ATP10B: variants seen among roughly 807,000 people sequenced by gnomAD.
The protein encoded by ATP10B is phospholipid-transporting ATPase VB.
ATP10B carries 122 observed loss-of-function variants against 141.2 expected under a neutral mutation model. The ratio of observed to expected loss-of-function variants is 0.86; its 90% CI spans 0.75 to 1.00. The LOEUF (loss-of-function observed/expected upper bound fraction) is 1.00, where lower values mean the gene tolerates loss of function less well. ATP10B is among the 50% of genes least tolerant of loss of function. The pLI, the probability that ATP10B is intolerant of heterozygous loss-of-function variation, is 0.00. For missense variants in ATP10B, 1,876 were observed against 1,825.3 expected (o/e 1.03, Z -0.51); for synonymous variants, 685 against 692.0 (o/e 0.99, Z 0.16).
chr5:160,908,006 T>C, the ATP10B span, among the ~76,000 whole-genome samples: 13 of 152,228 alleles, frequency 8.5e-5, no homozygotes, highest in African/African-American at 3.1e-4. Flanking sequence ...GTCTCCCAAC[T>C]TAAACAGGAC....
At chr5:160,780,768 T>G (rs1489413527) in intron 2 of ATP10B, among the ~76,000 whole-genome samples, 1 of 152,220 alleles carries the variant, frequency 6.6e-6, no homozygotes, top group Non-Finnish European at 1.5e-5. Flanking sequence ...ATGGCATCAT[T>G]AAAGTGACTA....
chr5:160,667,597 TTTTG>T (rs1244014216), intron 7 of ATP10B, among the ~76,000 whole-genome samples: 5 of 152,186 alleles, frequency 3.3e-5, no homozygotes, highest in Admixed American at 3.3e-4. Context: ...TCTCTCTCTT[TTTTG>T]TTTTTCTTTT....
intron 3 of ATP10B, among the ~76,000 whole-genome samples, chr5:160,701,164 C>T (rs913073772): frequency 1.1e-4 from 16 of 152,106 alleles, no homozygotes; most frequent in African/African-American, 3.6e-4. Context: ...AGAAATACTT[C>T]GCCAAACTCT....
chr5:160,927,386 G>A, the ATP10B span, among the ~76,000 whole-genome samples: 6 of 152,162 alleles, frequency 3.9e-5, no homozygotes, highest in Non-Finnish European at 5.9e-5. Flanking sequence ...AAATGCTGTC[G>A]CTTTTGAAGA....
intron 1 of ATP10B, among the ~76,000 whole-genome samples, chr5:160,808,849 A>G (rs533023992): frequency 6.6e-6 from 1 of 152,310 alleles, no homozygotes; most frequent in East Asian, 1.9e-4. Flanking sequence ...CTATTGTCTC[A>G]GTTCTGGAGG....
chr5:160,756,009 A>T (rs1183351097), intron 2 of ATP10B, among the ~76,000 whole-genome samples: 1 of 151,228 alleles, frequency 6.6e-6, no homozygotes, highest in African/African-American at 2.4e-5. Flanking sequence ...TGAAATTATC[A>T]TTGCAATCAA....
chr5:160,758,261 G>A (rs1768778186), intron 2 of ATP10B, among the ~76,000 whole-genome samples: 1 of 152,084 alleles, frequency 6.6e-6, no homozygotes, highest in Non-Finnish European at 1.5e-5. Flanking sequence ...TTCTGAGCTT[G>A]TGTTGTTTTT....
chr5:160,584,815 A>G (rs1220129327), intron 24 of ATP10B, among the ~76,000 whole-genome samples: 4 of 152,138 alleles, frequency 2.6e-5, no homozygotes, highest in Non-Finnish European at 4.4e-5. Flanking sequence ...AATAGGATTT[A>G]TCTTGCCTTA....
At chr5:160,912,828 C>T in the ATP10B span, among the ~76,000 whole-genome samples, 1 of 152,158 alleles carries the variant, frequency 6.6e-6, no homozygotes, top group Non-Finnish European at 1.5e-5. Context: ...GCCACACTTT[C>T]CTGTGTTCTC....
At position 160,565,093 on chromosome 5, in the gene ATP10B, T is replaced by A. The variant is rs942031495; in HGVS notation, c.*360A>T. ...TATCCTGAGATATTGCCTGGGTTGA[T>A]ACACTTCTTGAATCTTGGAAACTTA... On this transcript the variant is annotated 3_prime_UTR_variant, in exon 26 of 26. Transcript: ENST00000327245. 10 of 228,554 alleles carry A rather than the reference T, an allele frequency of 4.4e-5. No individual in the cohort carries two copies. The highest frequency in any genetic ancestry group is 8.6e-5 in the Non-Finnish European group (10 of 116,892). The allele number at this position is 228,554 out of a possible 1,614,324, so 14.2% of individuals were successfully genotyped here. A position where few individuals can be genotyped will look rare whatever the true frequency, so the allele number is the denominator to read the frequency against.
In ATP10B at chr5:160,602,645, G is replaced by T. The variant is rs779722194; in HGVS notation, c.3295C>A (p.Leu1099Ile). Residue 1099 changes from leucine (L) to isoleucine (I), a missense_variant, in exon 21 of 26, where the codon CTC becomes ATC. Physicochemically the swap from Leu to Ile is conservative, Grantham distance 5 (BLOSUM62 2). Coordinates refer to ENST00000327245, the MANE Select transcript of ATP10B (RefSeq NM_025153.3). ...GAGTAACACCAGTGGCCATGCACGA[G>T]CAGCAACTTCTTGAGATGCTTAAAG... is the stretch of plus-strand genomic sequence containing the variant. ...TRFKHLKKLL[L>I]VHGHWCYSRL... 1 of 1,614,084 alleles carries T rather than the reference G, an allele frequency of 6.2e-7. No individual in the cohort carries two copies. Among genetic ancestry groups the T allele is most frequent in the Non-Finnish European group, 8.5e-7 (1 of 1,179,950 alleles).
intron 7 of ATP10B, among the ~76,000 whole-genome samples, chr5:160,652,907 ATACATGT>A (rs1760927373): frequency 1.4e-5 from 1 of 72,760 alleles, no homozygotes; most frequent in African/African-American, 6.0e-5. Flanking sequence ...TATATTATAT[ATACATGT>A]ATATATAATA....
intron 1 of ATP10B, among the ~76,000 whole-genome samples, chr5:160,818,043 A>T (rs1773803471): frequency 6.6e-6 from 1 of 152,212 alleles, no homozygotes; most frequent in Admixed American, 6.5e-5. Flanking sequence ...AACCATAAAA[A>T]CCCTAGAAGA....
At chr5:160,893,148 G>A in the ATP10B span, among the ~76,000 whole-genome samples, 17 of 152,174 alleles carry the variant, frequency 1.1e-4, no homozygotes, top group Non-Finnish European at 2.9e-5. Context: ...GCTAGCTGCA[G>A]GAGTTTTTTT....
intron 3 of ATP10B, among the ~76,000 whole-genome samples, chr5:160,702,736 A>T (rs1001618067): frequency 6.6e-6 from 1 of 152,182 alleles, no homozygotes; most frequent in Non-Finnish European, 1.5e-5. Context: ...CTTTCCCATT[A>T]TACAAGATTA....
the ATP10B span, among the ~76,000 whole-genome samples, chr5:160,902,001 A>C: frequency 6.6e-6 from 1 of 152,210 alleles, no homozygotes; most frequent in African/African-American, 2.4e-5. Flanking sequence ...TGCATCAGAG[A>C]CCACGATCCA....
intron 13 of ATP10B, among the ~76,000 whole-genome samples, chr5:160,631,842 A>G (rs1269240706): frequency 6.6e-6 from 1 of 152,252 alleles, no homozygotes; most frequent in Non-Finnish European, 1.5e-5. Context: ...TGTTGCCATG[A>G]GGAAATGCTG....
intron 3 of ATP10B, among the ~76,000 whole-genome samples, chr5:160,694,180 C>G (rs536817825): frequency 6.6e-6 from 1 of 152,278 alleles, no homozygotes; most frequent in African/African-American, 2.4e-5. Flanking sequence ...TGCCCCTCTC[C>G]CCTCCAAATA....
chr5:160,687,723 C>T (rs72818543), intron 5 of ATP10B, 77 bp downstream of exon 5: 97,735 of 1,501,878 alleles, frequency 0.065, 4,392 homozygotes, highest in East Asian at 0.25. Context: ...CGAGATTGCA[C>T]GACTATACTC....
Sources: gnomAD v4.1 joint callset for allele counts (sites outside exome capture counted in the v4.1 genomes callset) on GRCh38, gnomAD v4.1.1 for gene constraint, MANE v1.5 for transcripts, NCBI Gene and HGNC (gene_info 2026-07-23, HGNC 2026-07-21) for gene names.